CCDC141: variants seen among roughly 807,000 people sequenced by gnomAD.
The protein encoded by CCDC141 is coiled-coil domain-containing protein 141.
In CCDC141, 168 loss-of-function variants were observed where a neutral mutation model predicts 181.0. The observed-to-expected ratio is 0.93, with a 90% confidence interval of 0.82 to 1.05. CCDC141 has a LOEUF of 1.05. CCDC141 is among the 50% of genes least tolerant of loss of function. The pLI, the probability that CCDC141 is intolerant of heterozygous loss-of-function variation, is 0.00. For synonymous variants in CCDC141, 666 were observed against 642.3 expected (o/e 1.04, Z -0.56); for missense variants, 1,902 against 1,788.5 (o/e 1.06, Z -1.14).
At chr2:179,027,688 C>CTG (rs1328950018) in intron 2 of CCDC141, among the ~76,000 whole-genome samples, 2 of 126,208 alleles carry the variant, frequency 1.6e-5, no homozygotes, top group Non-Finnish European at 3.3e-5. Flanking sequence ...AAAAGTTTCC[C>CTG]TGCACAAGCT....
chr2:179,005,487 A>T (rs1037240421), intron 2 of CCDC141, among the ~76,000 whole-genome samples: 5 of 152,212 alleles, frequency 3.3e-5, no homozygotes, highest in African/African-American at 1.2e-4. Flanking sequence ...AAAAAACAAT[A>T]AAAAAGTAAC....
chr2:178,839,142 G>A (rs767997173), intron 22 of CCDC141, among the ~76,000 whole-genome samples: 4 of 152,170 alleles, frequency 2.6e-5, no homozygotes, highest in Admixed American at 1.3e-4. Context: ...GACTGGGTGC[G>A]GTGGCTCACA....
At chr2:178,989,605 A>AAAATAAAT (rs566226723) in intron 2 of CCDC141, among the ~76,000 whole-genome samples, 5 of 136,902 alleles carry the variant, frequency 3.7e-5, no homozygotes, top group African/African-American at 5.7e-5. Context: ...AAAAAAAAAA[A>AAAATAAAT]AAATAAATAA....
At chr2:178,876,971 C>A (rs904615099) in intron 12 of CCDC141, 3 of 152,010 alleles carry the variant, frequency 2.0e-5, no homozygotes, top group Non-Finnish European at 4.4e-5. Context: ...TAATATGTAC[C>A]AGCAAAGTGA....
intron 2 of CCDC141, among the ~76,000 whole-genome samples, chr2:178,989,601 A>ATAAAT (rs1553498029): frequency 4.3e-5 from 4 of 92,436 alleles, no homozygotes; most frequent in African/African-American, 1.4e-4. Context: ...CTCAAAAAAA[A>ATAAAT]AAAAAAATAA....
intron 22 of CCDC141, among the ~76,000 whole-genome samples, chr2:178,843,885 A>G (rs1245843243): frequency 2.0e-5 from 3 of 152,192 alleles, no homozygotes; most frequent in Non-Finnish European, 2.9e-5. Context: ...TTTGCTGTCT[A>G]CACCAATTGC....
At chr2:178,819,182 G>A in the CCDC141 span, among the ~76,000 whole-genome samples, 1 of 152,162 alleles carries the variant, frequency 6.6e-6, no homozygotes, top group African/African-American at 2.4e-5. Context: ...AGTGTACTTA[G>A]GGGCCTTTTT....
Position 178,884,930 on chromosome 2 carries a change from A to C in CCDC141, c.1690T>G (p.Tyr564Asp). ...IDYRSQVLQT[Y>D]VAFLKSSEEV... ...TCTGATGACTTCAGAAATGCCACGT[A>C]AGTTTGCAGGACTTGCGATCTATAG... Residue 564 changes from tyrosine (Y) to aspartate (D), a missense_variant, in exon 11 of 24, where the codon TAC becomes GAC. Coordinates refer to ENST00000443758, the MANE Select transcript of CCDC141 (RefSeq NM_173648.4). 1 of 1,550,368 alleles carries C rather than the reference A, an allele frequency of 6.5e-7. No homozygotes were observed.
At chr2:179,010,988 C>G (rs2042253941) in intron 2 of CCDC141, among the ~76,000 whole-genome samples, 1 of 152,014 alleles carries the variant, frequency 6.6e-6, no homozygotes, top group Non-Finnish European at 1.5e-5. Flanking sequence ...GAAACCCTGA[C>G]TCTACTAAAG....
intron 17 of CCDC141, among the ~76,000 whole-genome samples, chr2:178,858,424 C>T (rs1472829499): frequency 2.3e-5 from 3 of 130,750 alleles, no homozygotes; most frequent in Non-Finnish European, 4.8e-5. Context: ...GGAGTTTTTG[C>T]AACTACATAT....
chr2:178,995,423 A>G (rs1692242223), intron 2 of CCDC141, among the ~76,000 whole-genome samples: 1 of 152,144 alleles, frequency 6.6e-6, no homozygotes, highest in South Asian at 2.1e-4. Flanking sequence ...CCATGATTCA[A>G]TTATCTCCCA....
intron 22 of CCDC141, among the ~76,000 whole-genome samples, chr2:178,840,705 G>T (rs997896624): frequency 2.6e-5 from 4 of 152,168 alleles, no homozygotes; most frequent in African/African-American, 9.7e-5. Flanking sequence ...GAAGTTTAGG[G>T]AAACCCACTA....
At chr2:178,918,178 C>A (rs1433839016) in intron 7 of CCDC141, among the ~76,000 whole-genome samples, 3 of 151,746 alleles carry the variant, frequency 2.0e-5, no homozygotes, top group Non-Finnish European at 4.4e-5. Flanking sequence ...GGGAGGCCAG[C>A]GCAGGAGGAT....
At chr2:179,045,882 G>C (rs144292074) in intron 2 of CCDC141, among the ~76,000 whole-genome samples, 7 of 150,066 alleles carry the variant, frequency 4.7e-5, no homozygotes, top group African/African-American at 1.7e-4. Context: ...CTTCTGCCTT[G>C]CAAGACAACC....
chr2:178,950,283 A>T (rs1030647334), intron 5 of CCDC141, among the ~76,000 whole-genome samples: 5 of 152,230 alleles, frequency 3.3e-5, no homozygotes, highest in African/African-American at 1.2e-4. Context: ...CACAGGTGAC[A>T]GTTCTAATGC....
chr2:178,961,573 T>C (rs1690404505), intron 4 of CCDC141, 90 bp from the exon 5 acceptor site: 1 of 1,033,982 alleles, frequency 9.7e-7, no homozygotes, highest in Non-Finnish European at 1.4e-6. Context: ...AAAATATATG[T>C]AATTTTTATG....
chr2:178,881,169 G>A (rs2154370072), intron 11 of CCDC141, among the ~76,000 whole-genome samples: 1 of 151,398 alleles, frequency 6.6e-6, no homozygotes, highest in South Asian at 2.1e-4. Flanking sequence ...AGACAAAGAA[G>A]TAGACAGGAT....
intron 2 of CCDC141, among the ~76,000 whole-genome samples, chr2:179,006,212 C>G (rs554513936): frequency 2.4e-4 from 37 of 152,274 alleles, no homozygotes; most frequent in African/African-American, 7.7e-4. Flanking sequence ...ATTTCATTGG[C>G]AGATAATATT....
chr2:178,952,555 T>G (rs982622574), intron 5 of CCDC141, among the ~76,000 whole-genome samples: 2 of 152,236 alleles, frequency 1.3e-5, no homozygotes, highest in African/African-American at 4.8e-5. Flanking sequence ...ACCTTTGAAC[T>G]GCAGTGCCAT....
Sources: allele counts gnomAD v4.1 joint callset (sites outside exome capture counted in the v4.1 genomes callset), GRCh38; gene constraint gnomAD v4.1.1; transcripts MANE v1.5; gene names NCBI Gene and HGNC (gene_info 2026-07-23, HGNC 2026-07-21).